NELL1: variants seen among roughly 807,000 people sequenced by gnomAD.
NELL1 encodes protein kinase C-binding protein NELL1.
A neutral mutation model predicts 107.4 loss-of-function variants in NELL1; 76 were observed. The ratio of observed to expected loss-of-function variants is 0.71; its 90% CI spans 0.59 to 0.86. NELL1 has a LOEUF of 0.86. Among genes scored for constraint, NELL1 ranks in the 40% least tolerant of loss-of-function variants. NELL1 has a pLI of 0.00. For missense variants in NELL1, 1,024 were observed against 1,005.5 expected, an observed-to-expected ratio of 1.02 and a Z score of -0.25; for synonymous variants, 353 against 341.2, an observed-to-expected ratio of 1.03 and a Z score of -0.38.
Position 20,885,462 on chromosome 11 carries a change from A to G in NELL1, c.525A>G (p.Ile175Met). Residue 175 changes from isoleucine (I) to methionine (M), a missense_variant, in exon 5 of 20, where the codon ATA becomes ATG. Ile to Met is a conservative substitution (Grantham distance 10). Transcript: ENST00000357134. Reference protein sequence around the residue: ...VDCNRIYERVIDPPDTNLPPG... With the variant: ...VDCNRIYERVMDPPDTNLPPG... ...TTTACAGGATTTATGAGCGTGTGATAGACCCTCCAGATACCAACCTTCCCC... is the reference window on the plus strand; with the variant it reads ...TTTACAGGATTTATGAGCGTGTGATGGACCCTCCAGATACCAACCTTCCCC... 1 of 1,611,710 alleles carries G rather than the reference A, an allele frequency of 6.2e-7. No homozygotes were observed. The highest frequency in any genetic ancestry group is 8.5e-7 in the Non-Finnish European group (1 of 1,177,810).
At position 21,414,960 on chromosome 11, in the gene NELL1, AC is replaced by A. The variant is rs1277846653; in HGVS notation, c.1645+44018del. 4.0e-5 allele frequency among the ~76,000 whole-genome samples: 6 copies of A among 151,828 alleles called. No homozygotes were observed. The South Asian group carries it at 6.2e-4, about 16-fold the overall frequency. ...GAGGCATTAAAGAATAAAGAGATGCACCCCCCTCCCTCCCAAAAAAAGCATA... is the reference window on the plus strand; with the variant it reads ...GAGGCATTAAAGAATAAAGAGATGCACCCCCTCCCTCCCAAAAAAAGCATA... On this transcript the variant is annotated intron_variant, in intron 15 of 19. Transcript: ENST00000357134.
chr11:21,404,992 T>C (rs1852199736), intron 15 of NELL1, among the ~76,000 whole-genome samples: 1 of 152,066 alleles, frequency 6.6e-6, no homozygotes, highest in Non-Finnish European at 1.5e-5. Flanking sequence ...ATAGCTGCTC[T>C]GTCTTTTCAT....
chr11:21,198,244 G>A (rs1050499246), intron 13 of NELL1, among the ~76,000 whole-genome samples: 13 of 152,134 alleles, frequency 8.5e-5, no homozygotes, highest in Non-Finnish European at 1.6e-4. Flanking sequence ...GCAGTGGCCC[G>A]AGCTGAAGCA....
At chr11:21,239,624 A>C (rs541022830) in intron 14 of NELL1, among the ~76,000 whole-genome samples, 1 of 152,190 alleles carries the variant, frequency 6.6e-6, no homozygotes, top group South Asian at 2.1e-4. Flanking sequence ...TTGTTCCAGA[A>C]AAATGGAATA....
At chr11:20,810,608 A>C (rs2134012650) in intron 3 of NELL1, among the ~76,000 whole-genome samples, 1 of 152,142 alleles carries the variant, frequency 6.6e-6, no homozygotes, top group Admixed American at 6.5e-5. Context: ...TTCTTTATCC[A>C]TTTGTTGATT....
intron 15 of NELL1, among the ~76,000 whole-genome samples, chr11:21,412,860 C>T (rs965501087): frequency 6.6e-6 from 1 of 152,086 alleles, no homozygotes; most frequent in Admixed American, 6.6e-5. Flanking sequence ...CAGAAAGTCT[C>T]ATGAGTCCCA....
In NELL1 at chr11:20,848,750, T is replaced by C. The variant is rs559714842; in HGVS notation, c.506+997T>C. On this transcript the variant is annotated intron_variant, in intron 4 of 19. Transcript: ENST00000357134. ...CAAGGTCAGTCAGCTTCAGACCGCATTTCTCATGAGGAGATGCTTGAATAT... is the reference window on the plus strand; with the variant it reads ...CAAGGTCAGTCAGCTTCAGACCGCACTTCTCATGAGGAGATGCTTGAATAT... 2.6e-5 allele frequency among the ~76,000 whole-genome samples: 4 copies of C among 152,322 alleles called. No homozygotes were observed. The South Asian group carries it at 6.2e-4, about 24-fold the overall frequency.
At chr11:21,207,766 G>A (rs1857420122) in intron 13 of NELL1, among the ~76,000 whole-genome samples, 1 of 152,100 alleles carries the variant, frequency 6.6e-6, no homozygotes, top group Admixed American at 6.6e-5. Flanking sequence ...CACACCAACT[G>A]GACCACAAAG....
At chr11:21,236,623 A>G (rs1189586924) in intron 14 of NELL1, among the ~76,000 whole-genome samples, 3 of 152,186 alleles carry the variant, frequency 2.0e-5, no homozygotes, top group Admixed American at 2.0e-4. Flanking sequence ...TAGTTATACC[A>G]GAAATGATAA....
At chr11:20,766,232 A>G (rs968776467) in intron 2 of NELL1, among the ~76,000 whole-genome samples, 1 of 152,224 alleles carries the variant, frequency 6.6e-6, no homozygotes, top group African/African-American at 2.4e-5. Context: ...GTAATAGTGC[A>G]GCACTTTATA....
At chr11:21,142,907 G>T (rs1241136757) in intron 13 of NELL1, among the ~76,000 whole-genome samples, 1 of 152,192 alleles carries the variant, frequency 6.6e-6, no homozygotes, top group Non-Finnish European at 1.5e-5. Context: ...CAGACGCACG[G>T]TATGGCACAA....
At chr11:21,332,986 TATAA>T (rs1850305657) in intron 14 of NELL1, among the ~76,000 whole-genome samples, 1 of 152,050 alleles carries the variant, frequency 6.6e-6, no homozygotes, top group Admixed American at 6.6e-5. Flanking sequence ...AATGATGTGG[TATAA>T]ATAAATCAAT....
At chr11:21,055,700 TA>T (rs928239251) in intron 12 of NELL1, among the ~76,000 whole-genome samples, 33 of 152,090 alleles carry the variant, frequency 2.2e-4, no homozygotes, top group Admixed American at 1.2e-3. Flanking sequence ...AGGGATTGGT[TA>T]AACATGGCCA....
chr11:20,696,807 A>G (rs1432345893), intron 2 of NELL1, among the ~76,000 whole-genome samples: 1 of 152,186 alleles, frequency 6.6e-6, no homozygotes, highest in East Asian at 1.9e-4. Context: ...CCTCAACTCC[A>G]AACAACCAGA....
At chr11:21,216,430 A>T (rs1857615021) in intron 13 of NELL1, among the ~76,000 whole-genome samples, 1 of 152,194 alleles carries the variant, frequency 6.6e-6, no homozygotes, top group South Asian at 2.1e-4. Context: ...TGGTAGATCC[A>T]CTGACAGCTT....
At chr11:21,239,521 A>G (rs561926531) in intron 14 of NELL1, among the ~76,000 whole-genome samples, 46 of 152,184 alleles carry the variant, frequency 3.0e-4, no homozygotes, top group African/African-American at 9.1e-4. Context: ...CGTGAGACTC[A>G]GATCAGTATT....
chr11:20,814,974 TA>T (rs1180085010), intron 3 of NELL1, among the ~76,000 whole-genome samples: 1 of 152,192 alleles, frequency 6.6e-6, no homozygotes, highest in African/African-American at 2.4e-5. Flanking sequence ...CAGCATCTAT[TA>T]TTTTTTTGAC....
chr11:20,719,620 C>G (rs1326842505), intron 2 of NELL1, among the ~76,000 whole-genome samples: 1 of 152,172 alleles, frequency 6.6e-6, no homozygotes, highest in African/African-American at 2.4e-5. Context: ...CTTATGGTTT[C>G]ACTTTCTTGG....
intron 15 of NELL1, among the ~76,000 whole-genome samples, chr11:21,401,440 G>A (rs534614174): frequency 2.0e-5 from 3 of 151,778 alleles, no homozygotes; most frequent in Admixed American, 6.6e-5. Flanking sequence ...TAAAGCCCAC[G>A]TGAGAACTGT....
Sources: allele counts gnomAD v4.1 joint callset (sites outside exome capture counted in the v4.1 genomes callset), GRCh38; gene constraint gnomAD v4.1.1; transcripts MANE v1.5; gene names NCBI Gene and HGNC (gene_info 2026-07-23, HGNC 2026-07-21).